Variants in DGCR8 observed in about 807,000 individuals in gnomAD.
The protein encoded by DGCR8 is microprocessor complex subunit DGCR8.
DGCR8 carries 14 observed loss-of-function variants against 78.5 expected under a neutral mutation model. That is an observed-to-expected ratio of 0.18 (90% CI 0.12 to 0.28). The LOEUF (loss-of-function observed/expected upper bound fraction) is 0.28. Ranked by LOEUF, DGCR8 falls within the 10% of genes least tolerant of loss-of-function variation. The pLI is 1.00. For synonymous variants in DGCR8, 399 were observed against 402.4 expected (o/e 0.99, Z 0.10); for missense variants, 702 against 1,022.5 (o/e 0.69, Z 4.28).
Position 20,100,369 on chromosome 22 carries a change from T to G in DGCR8, c.1788+5574T>G, listed in dbSNP as rs1294097725. 3.0e-6 allele frequency: 3 copies of G among 985,116 alleles called. No homozygotes were observed. In the African/African-American group the frequency reaches 5.2e-5, roughly 17 times the overall value. The allele number at this position is 985,116 out of a possible 1,614,324, so 61.0% of individuals were successfully genotyped here. A position where few individuals can be genotyped will look rare whatever the true frequency, so the allele number is the denominator to read the frequency against. On this transcript the variant is annotated intron_variant, in intron 9 of 13. Coordinates refer to ENST00000351989, the MANE Select transcript of DGCR8 (RefSeq NM_022720.7). Reference sequence around the variant, plus strand: ...CGTGAGCCACTGCACCTGGCCACATTTGATTTTATTTCTGAGTGACCCAAC... The same window carrying G: ...CGTGAGCCACTGCACCTGGCCACATGTGATTTTATTTCTGAGTGACCCAAC...
intron 11 of DGCR8, 179 bp from the exon 12 acceptor site, chr22:20,107,092 G>A: frequency 1.5e-6 from 1 of 655,860 alleles, no homozygotes; most frequent in South Asian, 1.8e-5. Flanking sequence ...CTCTCAAGGT[G>A]GCAGCTGGGT....
At chr22:20,102,804 C>G (rs1330740805) in intron 9 of DGCR8, among the ~76,000 whole-genome samples, 1 of 152,124 alleles carries the variant, frequency 6.6e-6, no homozygotes, top group East Asian at 1.9e-4. Context: ...CTTTGCTGTT[C>G]CATGTAGACT....
intron 8 of DGCR8, among the ~76,000 whole-genome samples, chr22:20,093,707 C>T (rs1176611818): frequency 6.6e-6 from 1 of 152,250 alleles, no homozygotes; most frequent in Non-Finnish European, 1.5e-5. Context: ...CACAGCGCAG[C>T]TCTGGGAAGG....
At position 20,087,229 on chromosome 22, in the gene DGCR8, C is replaced by G; in HGVS notation, c.788C>G (p.Thr263Arg). 8.1e-6 allele frequency: 13 copies of G among 1,614,018 alleles called. No individual in the cohort carries two copies. Among genetic ancestry groups the G allele is most frequent in the Non-Finnish European group, 1.0e-5 (12 of 1,179,956 alleles). The change falls in exon 3 of 14, where the codon ACA (threonine) becomes AGA (arginine). Residue 263 changes from threonine to arginine, a missense_variant. Thr to Arg is a moderately conservative substitution (Grantham distance 71, BLOSUM62 -1). This residue lies in a region of DGCR8 where 356 missense variants were observed against 448.9 expected (regional missense o/e 0.79). Coordinates refer to ENST00000351989, the MANE Select transcript of DGCR8 (RefSeq NM_022720.7). The surrounding 1 kb of genome is among the most constrained non-coding windows in gnomAD (Gnocchi z 4.1). ...CTTTGTGCCCCCAAAAAGAGGCGAA[C>G]AGAGGAAAAATATGGCGGAGACAGC... is the stretch of plus-strand genomic sequence containing the variant. ...EGLCAPKKRR[T>R]EEKYGGDSDH... is the part of the protein sequence containing the mutation.
chr22:20,102,205 C>A, intron 9 of DGCR8: 1 of 387,966 alleles, frequency 2.6e-6, no homozygotes, highest in Non-Finnish European at 3.5e-6. Flanking sequence ...CAGAACATTT[C>A]TGTACATTCC....
In DGCR8 at chr22:20,111,409, C is replaced by T. The variant is rs774302341; in HGVS notation, c.*1301C>T. On this transcript the variant is annotated 3_prime_UTR_variant, in exon 14 of 14. Transcript: ENST00000351989. ...AGGAAAACAATGTTGGCCTGTGGGC[C>T]GCCCACAACATATCCTTCCCTCACT... 2.0e-5 allele frequency: 8 copies of T among 396,918 alleles called. No homozygotes were observed. The highest frequency in any genetic ancestry group is 1.3e-4 in the South Asian group (1 of 7,720). The allele number at this position is 396,918 out of a possible 1,614,324, so 24.6% of individuals were successfully genotyped here. A position where few individuals can be genotyped will look rare whatever the true frequency, so the allele number is the denominator to read the frequency against.
intron 9 of DGCR8, among the ~76,000 whole-genome samples, chr22:20,096,095 G>C (rs975071319): frequency 2.6e-5 from 4 of 152,124 alleles, no homozygotes; most frequent in African/African-American, 9.7e-5. Context: ...ATGCAGCCCG[G>C]TTCCTAACAG....
At chr22:20,092,010 A>G in intron 7 of DGCR8, 40 bp downstream of exon 7, 1 of 1,538,766 alleles carries the variant, frequency 6.5e-7, no homozygotes, top group Non-Finnish European at 8.9e-7. Context: ...AAAGAATCAC[A>G]AGGTGTAACT....
intron 1 of DGCR8, among the ~76,000 whole-genome samples, chr22:20,082,040 C>T (rs1470964402): frequency 6.7e-6 from 1 of 150,106 alleles, no homozygotes; most frequent in Admixed American, 6.7e-5. Flanking sequence ...CAGAGTGATT[C>T]TTCTTTCTTT....
intron 9 of DGCR8, among the ~76,000 whole-genome samples, chr22:20,097,533 T>G (rs1031422827): frequency 6.6e-6 from 1 of 152,208 alleles, no homozygotes; most frequent in Admixed American, 6.5e-5. Flanking sequence ...TTGCTGTCAT[T>G]CCTGATTTCA....
intron 11 of DGCR8, chr22:20,106,916 G>A (rs1013644874): frequency 2.6e-5 from 15 of 586,688 alleles, no homozygotes; most frequent in South Asian, 4.0e-5. Context: ...CCCTGTCTCC[G>A]TCCAGCCCTT....
At chr22:20,098,833 C>G (rs1485871605) in intron 9 of DGCR8, among the ~76,000 whole-genome samples, 5 of 152,194 alleles carry the variant, frequency 3.3e-5, no homozygotes, top group African/African-American at 1.2e-4. Flanking sequence ...CCCTAATGAC[C>G]TCATTGTAAT....
At chr22:20,096,787 G>A (rs1322228121) in intron 9 of DGCR8, among the ~76,000 whole-genome samples, 1 of 152,126 alleles carries the variant, frequency 6.6e-6, no homozygotes, top group Non-Finnish European at 1.5e-5. Context: ...TTTGTGACTG[G>A]CTTCCTTCAC....
At position 20,090,055 on chromosome 22, in the gene DGCR8, G is replaced by T; in HGVS notation, c.1103G>T (p.Ser368Ile). The T allele has an allele frequency of 1.9e-6, 3 of 1,614,232 alleles. 1 individual carries two copies. In the South Asian group the frequency reaches 3.3e-5, roughly 18 times the overall value. ...MKDNEEREQS[S>I]DLTPSGDVSP... ...GACAACGAGGAACGGGAGCAAAGCA[G>T]TGACCTCACCCCTAGTGGGGATGTG... The change falls in exon 5 of 14, where the codon AGT becomes ATT. Residue 368 changes from serine to isoleucine, a missense_variant. This residue lies in a region of DGCR8 where 119 missense variants were observed against 126.1 expected (regional missense o/e 0.94). Transcript: ENST00000351989.
At position 20,092,794 on chromosome 22, in the gene DGCR8, A is replaced by C. The variant is rs753297543; in HGVS notation, c.1607-15A>C. The C allele has an allele frequency of 3.7e-6, 6 of 1,604,486 alleles. No individual in the cohort carries two copies. The highest frequency in any genetic ancestry group is 5.1e-6 in the Non-Finnish European group (6 of 1,172,484). On this transcript the variant is annotated splice_polypyrimidine_tract_variant and intron_variant, in intron 7 of 13. Transcript: ENST00000351989. ...TTGACTCGTATGTTTTAAAACAAGT[A>C]ATTTTAATTTTAAGAGAACCCAAGT... is the stretch of plus-strand genomic sequence containing the variant.
At chr22:20,106,364 G>A in intron 10 of DGCR8, 87 bp downstream of exon 10, 1 of 1,234,436 alleles carries the variant, frequency 8.1e-7, no homozygotes, top group Admixed American at 1.8e-5. Flanking sequence ...TTTGTCCCAA[G>A]GCAGAGGCAT....
chr22:20,082,829 A>G (rs755456356), intron 1 of DGCR8, among the ~76,000 whole-genome samples: 1 of 152,200 alleles, frequency 6.6e-6, no homozygotes, highest in Non-Finnish European at 1.5e-5. Context: ...TGGGTGAGTT[A>G]AAATGCTTAA....
intron 7 of DGCR8, among the ~76,000 whole-genome samples, chr22:20,092,468 G>A (rs2049576871): frequency 6.6e-6 from 1 of 152,282 alleles, no homozygotes; most frequent in Non-Finnish European, 1.5e-5. Flanking sequence ...TCTTTGGCAA[G>A]CCACATCTTG....
intron 9 of DGCR8, among the ~76,000 whole-genome samples, chr22:20,097,835 T>TTA (rs1474396014): frequency 1.4e-5 from 2 of 146,726 alleles, no homozygotes; most frequent in African/African-American, 2.5e-5. Flanking sequence ...TTTTTTTTAA[T>TTA]TATATATATA....
Sources: allele counts gnomAD v4.1 joint callset (sites outside exome capture counted in the v4.1 genomes callset), GRCh38; gene constraint gnomAD v4.1.1; regional missense constraint gnomAD v4.1.1; non-coding constraint Gnocchi (gnomAD v3.1); transcripts MANE v1.5; gene names NCBI Gene and HGNC (gene_info 2026-07-23, HGNC 2026-07-21).